The following GNG7 variants were observed in gnomAD, a reference collection of about 807,000 sequenced individuals.
GNG7 encodes the protein guanine nucleotide-binding protein G(I)/G(S)/G(O) subunit gamma-7.
A neutral mutation model predicts 4.0 loss-of-function variants in GNG7; 1 was observed. The observed-to-expected ratio is 0.25, with a 90% CI of 0.09 to 1.18. The LOEUF is 1.18. Among genes scored for constraint, GNG7 ranks in the 50% most tolerant of loss-of-function variants. GNG7 has a pLI of 0.50. For missense variants in GNG7, 86 were observed against 91.9 expected (o/e 0.94, Z 0.26); for synonymous variants, 34 against 36.9 (o/e 0.92, Z 0.29).
chr19:2,528,802 G>A (rs898884939), intron 3 of GNG7, among the ~76,000 whole-genome samples: 1 of 152,198 alleles, frequency 6.6e-6, no homozygotes, highest in African/African-American at 2.4e-5. Context: ...TCTCATCTCT[G>A]CACCAGGCCT....
intron 1 of GNG7, among the ~76,000 whole-genome samples, chr19:2,678,958 C>G (rs1249604998): frequency 6.6e-6 from 1 of 152,204 alleles, no homozygotes; most frequent in Non-Finnish European, 1.5e-5. Context: ...CAGCTCCTAT[C>G]CCATCTCCCC....
intron 2 of GNG7, among the ~76,000 whole-genome samples, chr19:2,587,148 T>C (rs1368365358): frequency 6.6e-6 from 1 of 151,962 alleles, no homozygotes; most frequent in East Asian, 1.9e-4. Context: ...TTAGGACCCC[T>C]GGGTTGGAGG....
At chr19:2,596,956 T>A (rs1283111189) in intron 2 of GNG7, among the ~76,000 whole-genome samples, 1 of 151,984 alleles carries the variant, frequency 6.6e-6, no homozygotes, top group Non-Finnish European at 1.5e-5. Flanking sequence ...CTATCTATGA[T>A]ATTGAAATTT....
intron 1 of GNG7, among the ~76,000 whole-genome samples, chr19:2,697,290 G>A (rs1913289732): frequency 6.6e-6 from 1 of 152,226 alleles, no homozygotes; most frequent in African/African-American, 2.4e-5. Flanking sequence ...AACTGTTCGT[G>A]GAAGCGTCTC....
chr19:2,596,673 C>T (rs199538234), intron 2 of GNG7, among the ~76,000 whole-genome samples: 10,468 of 150,540 alleles, frequency 0.07, 1,017 homozygotes, highest in East Asian at 0.36. Context: ...TGTCCCCCCC[C>T]CAAAAAAAAA....
intron 3 of GNG7, among the ~76,000 whole-genome samples, chr19:2,525,614 G>A (rs1168588221): frequency 6.6e-6 from 1 of 152,248 alleles, no homozygotes; most frequent in East Asian, 1.9e-4. Flanking sequence ...GAACAAAACC[G>A]CAGGACAGGA....
intron 2 of GNG7, among the ~76,000 whole-genome samples, chr19:2,638,367 G>T (rs1025487182): frequency 7.5e-6 from 1 of 134,122 alleles, no homozygotes; most frequent in Admixed American, 7.7e-5. Context: ...GTCAGAAAGA[G>T]AAAAGAAAAG....
At chr19:2,683,424 A>C (rs184235347) in intron 1 of GNG7, 3 of 151,944 alleles carry the variant, frequency 2.0e-5, no homozygotes, top group African/African-American at 7.2e-5. Flanking sequence ...TAAAAAGACT[A>C]TTTTCCCCGG....
intron 1 of GNG7, chr19:2,700,602 T>C (rs1314427186): frequency 6.6e-6 from 1 of 152,184 alleles, no homozygotes; most frequent in Non-Finnish European, 1.5e-5. Flanking sequence ...AAAACTGGAT[T>C]GAGTCCATTA....
intron 2 of GNG7, among the ~76,000 whole-genome samples, chr19:2,601,104 C>T (rs1981185114): frequency 6.6e-6 from 1 of 152,046 alleles, no homozygotes; most frequent in Non-Finnish European, 1.5e-5. Flanking sequence ...CACTACACTC[C>T]AGCCTGGGTG....
chr19:2,663,620 T>C (rs954047961), intron 1 of GNG7, among the ~76,000 whole-genome samples: 1 of 152,222 alleles, frequency 6.6e-6, no homozygotes, highest in Admixed American at 6.5e-5. Flanking sequence ...TTTCTTGTTT[T>C]TCCAATATCT....
At chr19:2,661,364 T>G (rs932307913) in intron 1 of GNG7, among the ~76,000 whole-genome samples, 12 of 114,938 alleles carry the variant, frequency 1.0e-4, no homozygotes, top group Non-Finnish European at 1.3e-4. Context: ...AAGAAAGAAA[T>G]GGGCCCTCCA....
chr19:2,598,744 G>A (rs1041320789), intron 2 of GNG7, among the ~76,000 whole-genome samples: 2 of 150,476 alleles, frequency 1.3e-5, no homozygotes, highest in Admixed American at 6.6e-5. Flanking sequence ...GGCATCTTCC[G>A]TCAAAAGAAT....
At chr19:2,526,899 G>A (rs1052952465) in intron 3 of GNG7, among the ~76,000 whole-genome samples, 8 of 151,188 alleles carry the variant, frequency 5.3e-5, no homozygotes, top group Non-Finnish European at 1.2e-4. Flanking sequence ...AGGCTGGAGT[G>A]CAGTGGCACA....
chr19:2,578,796 A>G (rs1057442566), intron 2 of GNG7, among the ~76,000 whole-genome samples: 8 of 152,192 alleles, frequency 5.3e-5, no homozygotes, highest in African/African-American at 1.7e-4. Flanking sequence ...ATCAGCTTCC[A>G]AATGTTAACA....
At chr19:2,567,963 C>A (rs1474844971) in intron 2 of GNG7, among the ~76,000 whole-genome samples, 1 of 152,128 alleles carries the variant, frequency 6.6e-6, no homozygotes, top group Non-Finnish European at 1.5e-5. Flanking sequence ...TTCACAACGC[C>A]TTCCTGGAAA....
chr19:2,581,390 T>C (rs1036706667), intron 2 of GNG7, among the ~76,000 whole-genome samples: 17 of 151,730 alleles, frequency 1.1e-4, no homozygotes, highest in Non-Finnish European at 2.9e-5. Flanking sequence ...AGTCAATTCC[T>C]TCACTTGCAA....
intron 1 of GNG7, among the ~76,000 whole-genome samples, chr19:2,690,570 C>G (rs936646770): frequency 5.3e-5 from 8 of 151,862 alleles, no homozygotes; most frequent in Admixed American, 2.0e-4. Flanking sequence ...GTGAGTTTTT[C>G]TATTTCAACC....
At chr19:2,550,518 G>A (rs894433288) in intron 3 of GNG7, among the ~76,000 whole-genome samples, 3 of 152,078 alleles carry the variant, frequency 2.0e-5, no homozygotes, top group East Asian at 1.9e-4. Flanking sequence ...AGGAGCCACC[G>A]CTCCCGGCCA....
Sources: gnomAD v4.1 joint callset for allele counts (sites outside exome capture counted in the v4.1 genomes callset) on GRCh38, gnomAD v4.1.1 for gene constraint, MANE v1.5 for transcripts, NCBI Gene and HGNC (gene_info 2026-07-23, HGNC 2026-07-21) for gene names.